Variants in DMD observed in about 807,000 individuals in gnomAD.
DMD encodes mutant dystrophin.
Under a neutral mutation model 330.1 loss-of-function variants are expected in DMD, and 63 were observed. The observed-to-expected ratio is 0.19, with a 90% CI of 0.16 to 0.24. The LOEUF (loss-of-function observed/expected upper bound fraction) is 0.24. DMD is among the 10% of genes least tolerant of loss of function. The probability of loss-of-function intolerance (pLI) is 1.00; values close to 1 mark genes in which losing one functional copy is unlikely to be tolerated. For missense variants in DMD, 3,344 were observed against 2,684.1 expected (o/e 1.25, Z -5.43); for synonymous variants, 1,223 against 959.8 (o/e 1.27, Z -5.07).
At chrX:32,780,088 G>A (rs772902177) in intron 7 of DMD, among the ~76,000 whole-genome samples, 1 of 111,463 alleles carries the variant, frequency 9.0e-6, no homozygotes, top group South Asian at 3.7e-4. Flanking sequence ...ACACTTACCC[G>A]ATATGTAGTG....
At chrX:32,793,607 A>G (rs1191229184) in intron 7 of DMD, among the ~76,000 whole-genome samples, 1 of 111,732 alleles carries the variant, frequency 8.9e-6, no homozygotes, top group Non-Finnish European at 1.9e-5. Context: ...CATAGAAATA[A>G]AAAGTTCAGA....
At chrX:32,896,507 G>A (rs2085734106) in intron 2 of DMD, among the ~76,000 whole-genome samples, 1 of 111,610 alleles carries the variant, frequency 9.0e-6, no homozygotes, top group East Asian at 2.8e-4. Context: ...CTAACCTATA[G>A]ATTAGAAAAA....
At chrX:33,243,238 TG>T (rs369420068) in intron 1 of DMD, among the ~76,000 whole-genome samples, 115 of 112,345 alleles carry the variant, frequency 1.0e-3, no homozygotes, top group African/African-American at 3.6e-3. Flanking sequence ...GTTTCAGGTC[TG>T]GATTTCTTTT....
At chrX:31,440,276 T>C (rs1315670980) in intron 60 of DMD, among the ~76,000 whole-genome samples, 3 of 109,860 alleles carry the variant, frequency 2.7e-5, no homozygotes, top group Non-Finnish European at 3.8e-5. Context: ...GCTTCCCAAG[T>C]AGCTGATCTA....
intron 64 of DMD, among the ~76,000 whole-genome samples, chrX:31,211,328 G>A (rs1371142625): frequency 8.9e-6 from 1 of 111,877 alleles, no homozygotes; most frequent in Non-Finnish European, 1.9e-5. Flanking sequence ...TCAAGTGCAC[G>A]TAGTAGGAAC....
chrX:32,932,619 G>A (rs1185684457), intron 2 of DMD, among the ~76,000 whole-genome samples: 2 of 111,929 alleles, frequency 1.8e-5, no homozygotes, highest in Admixed American at 9.5e-5. Flanking sequence ...CATATTGAGA[G>A]AAAAGTAATT....
intron 44 of DMD, among the ~76,000 whole-genome samples, chrX:32,181,996 C>T (rs1263169285): frequency 2.7e-5 from 3 of 112,015 alleles, no homozygotes; most frequent in Non-Finnish European, 5.6e-5. Context: ...TTTCCAGTTT[C>T]GCATTTTAAT....
intron 43 of DMD, among the ~76,000 whole-genome samples, chrX:32,223,875 G>A (rs1370851842): frequency 9.0e-6 from 1 of 110,984 alleles, no homozygotes; most frequent in East Asian, 2.8e-4. Context: ...TTCTTATTTT[G>A]TAAAGATGAC....
intron 7 of DMD, among the ~76,000 whole-genome samples, chrX:32,807,860 C>A (rs1005863850): frequency 8.9e-6 from 1 of 111,736 alleles, no homozygotes; most frequent in African/African-American, 3.3e-5. Context: ...TAAATCTTCT[C>A]TTACTGTTTT....
intron 30 of DMD, among the ~76,000 whole-genome samples, chrX:32,403,224 T>C (rs1476459969): frequency 8.9e-6 from 1 of 112,257 alleles, no homozygotes; most frequent in Non-Finnish European, 1.9e-5. Flanking sequence ...CTGTGTGCTA[T>C]CTTTGAAGTA....
chrX:33,008,537 G>C (rs762736515), intron 2 of DMD, among the ~76,000 whole-genome samples: 10 of 110,226 alleles, frequency 9.1e-5, no homozygotes, highest in African/African-American at 3.3e-4. Flanking sequence ...AGACTCTGTA[G>C]GTCAATTGGA....
At chrX:32,855,958 C>T (rs1429084738) in intron 2 of DMD, among the ~76,000 whole-genome samples, 3 of 111,040 alleles carry the variant, frequency 2.7e-5, no homozygotes, top group African/African-American at 9.9e-5. Context: ...TCAAACAACT[C>T]CATAGAAAAA....
chrX:33,067,083 A>C (rs2094674738), intron 1 of DMD, among the ~76,000 whole-genome samples: 1 of 112,302 alleles, frequency 8.9e-6, no homozygotes, highest in Admixed American at 9.5e-5. Flanking sequence ...AAGAGACAGA[A>C]AACACAGTTA....
chrX:32,528,486 G>A (rs1318190222), intron 17 of DMD, among the ~76,000 whole-genome samples: 4 of 111,512 alleles, frequency 3.6e-5, no homozygotes, highest in Non-Finnish European at 5.6e-5. Flanking sequence ...TGGTCCTGAA[G>A]TAAAAACATA....
chrX:32,502,882 G>T (rs1427959502), intron 18 of DMD, among the ~76,000 whole-genome samples: 1 of 111,270 alleles, frequency 9.0e-6, no homozygotes, highest in East Asian at 2.8e-4. Flanking sequence ...ATAAATTTGT[G>T]CAGGGATGGA....
chrX:33,211,056 G>A (rs1040531876), intron 1 of DMD, among the ~76,000 whole-genome samples: 4 of 111,595 alleles, frequency 3.6e-5, no homozygotes, highest in African/African-American at 1.3e-4. Flanking sequence ...CATGTGTTTA[G>A]TTCTATCGCA....
chrX:32,914,194 T>C (rs903484053), intron 2 of DMD, among the ~76,000 whole-genome samples: 2 of 111,972 alleles, frequency 1.8e-5, no homozygotes, highest in South Asian at 7.4e-4. Flanking sequence ...GAAGAAAATA[T>C]TTGCCTTCAC....
intron 54 of DMD, among the ~76,000 whole-genome samples, chrX:31,634,895 G>A (rs1290764192): frequency 9.0e-6 from 1 of 111,467 alleles, no homozygotes; most frequent in Non-Finnish European, 1.9e-5. Flanking sequence ...ACAGTGTTAT[G>A]AGCAGATGAA....
intron 34 of DMD, among the ~76,000 whole-genome samples, chrX:32,376,610 G>A (rs1447900625): frequency 1.8e-5 from 2 of 111,226 alleles, no homozygotes; most frequent in African/African-American, 6.5e-5. Flanking sequence ...AAGAATGCCT[G>A]GCTGCTTTGG....
Sources: allele counts gnomAD v4.1 joint callset (sites outside exome capture counted in the v4.1 genomes callset), GRCh38; gene constraint gnomAD v4.1.1; transcripts MANE v1.5; gene names NCBI Gene and HGNC (gene_info 2026-07-23, HGNC 2026-07-21).